The following UBAP2 variants were observed in gnomAD, a reference collection of about 807,000 sequenced individuals.
UBAP2 encodes the protein ubiquitin associated protein 2.
In UBAP2, 75 loss-of-function variants were observed where a neutral mutation model predicts 139.6. The observed-to-expected ratio is 0.54, with a 90% CI of 0.45 to 0.65. The LOEUF (loss-of-function observed/expected upper bound fraction) is 0.65. Among genes scored for constraint, UBAP2 ranks in the 30% least tolerant of loss-of-function variants. The probability of loss-of-function intolerance (pLI) is 0.00; values close to 1 mark genes in which losing one functional copy is unlikely to be tolerated. For synonymous variants in UBAP2, 526 were observed against 526.2 expected (o/e 1.00, Z 0.01); for missense variants, 1,368 against 1,369.6 (o/e 1.00, Z 0.02).
At chr9:33,941,049 T>C (rs1394037080) in intron 16 of UBAP2, among the ~76,000 whole-genome samples, 1 of 152,166 alleles carries the variant, frequency 6.6e-6, no homozygotes, top group Non-Finnish European at 1.5e-5. Flanking sequence ...TGACATGAAA[T>C]GTGTATACTT....
chr9:33,926,864 G>T, intron 21 of UBAP2, 125 bp downstream of exon 21: 1 of 1,033,468 alleles, frequency 9.7e-7, no homozygotes. Context: ...GGCAGAGACG[G>T]GGGTGCTCAG....
At chr9:33,928,056 CTGGCCTGGCGCT>C (rs1823628594) in intron 19 of UBAP2, 64 bp from the exon 20 acceptor site, 1 of 1,515,220 alleles carries the variant, frequency 6.6e-7, no homozygotes, top group Non-Finnish European at 8.9e-7. Context: ...TGGGGAGAGC[CTGGCCTGGCGCT>C]TGGGCCCAAG....
intron 2 of UBAP2, among the ~76,000 whole-genome samples, chr9:34,014,999 A>G (rs1824124346): frequency 6.6e-6 from 1 of 152,202 alleles, no homozygotes; most frequent in South Asian, 2.1e-4. Context: ...ATACTGAAAA[A>G]TGTAACGCAA....
chr9:33,930,842 G>A (rs1330363029), intron 19 of UBAP2, among the ~76,000 whole-genome samples: 3 of 144,122 alleles, frequency 2.1e-5, no homozygotes, highest in Non-Finnish European at 3.0e-5. Context: ...GTTGCAGTGA[G>A]CTGAGATTGC....
chr9:34,046,438 T>A (rs747942637), intron 1 of UBAP2, among the ~76,000 whole-genome samples: 1 of 151,822 alleles, frequency 6.6e-6, no homozygotes, highest in Non-Finnish European at 1.5e-5. Context: ...GGTCAGGAGA[T>A]CAAGACCATC....
intron 1 of UBAP2, among the ~76,000 whole-genome samples, chr9:34,019,713 A>ACG (rs1824736410): frequency 6.6e-6 from 1 of 151,572 alleles, no homozygotes; most frequent in South Asian, 2.1e-4. Context: ...ACACACACAC[A>ACG]CACACACACA....
chr9:33,928,094 G>T, intron 19 of UBAP2, 102 bp from the exon 20 acceptor site: 1 of 1,284,890 alleles, frequency 7.8e-7, no homozygotes, highest in Non-Finnish European at 1.1e-6. Flanking sequence ...AGGCTGAGCA[G>T]GCAGGCAATG....
chr9:34,035,030 A>G (rs1385519516), intron 1 of UBAP2, among the ~76,000 whole-genome samples: 1 of 152,170 alleles, frequency 6.6e-6, no homozygotes, highest in Non-Finnish European at 1.5e-5. Flanking sequence ...ATTTCACAAA[A>G]TGAATACATT....
In UBAP2 at chr9:33,922,401, T is replaced by G; in HGVS notation, c.*103A>C. 4.5e-6 allele frequency: 5 copies of G among 1,111,478 alleles called. No homozygotes were observed. The highest frequency in any genetic ancestry group is 6.7e-6 in the Non-Finnish European group (5 of 746,444). 68.9% of individuals were successfully genotyped at this position (1,111,478 alleles called of 1,614,324 possible). A position where few individuals can be genotyped will look rare whatever the true frequency, so the allele number is the denominator to read the frequency against. ...TCCCCACAGAGGCATGGCTGACACA[T>G]GTCGGGAATTCTAGGAAAGGGCACT... On this transcript the variant is annotated 3_prime_UTR_variant, in exon 29 of 29. Transcript: ENST00000379238.
chr9:33,988,989 G>C lies in UBAP2; in HGVS notation c.426C>G (p.Gly142=), dbSNP rs774295939. ...RGNNNRKGRG[G]NRGREFRGEE... is the part of the protein sequence containing the mutation. ...TGTACTTACATTCTCTGCCACGATT[G>C]CCGCCTCTTCCTTTCCGGTTGTTGT... Residue 142 remains glycine (G), a synonymous_variant, in exon 5 of 29, where the codon GGC becomes GGG. Transcript: ENST00000379238. The C allele has an allele frequency of 6.8e-6, 11 of 1,612,842 alleles. No homozygotes were observed. Among genetic ancestry groups the C allele is most frequent in the Admixed American group, 3.3e-5 (2 of 59,716 alleles).
intron 11 of UBAP2, 60 bp downstream of exon 11, chr9:33,956,018 TG>T: frequency 7.4e-7 from 1 of 1,356,712 alleles, no homozygotes; most frequent in South Asian, 1.3e-5. Flanking sequence ...ATACTTTTCC[TG>T]AGGCAAAAGA....
chr9:34,034,932 T>A (rs543805339), intron 1 of UBAP2, among the ~76,000 whole-genome samples: 20 of 152,096 alleles, frequency 1.3e-4, no homozygotes, highest in African/African-American at 4.8e-4. Context: ...TCCGGATTAC[T>A]CTCAAAAACA....
At position 33,993,552 on chromosome 9, in the gene UBAP2, G is replaced by A. The variant is rs371060169; in HGVS notation, c.288+2671C>T. 1.6e-4 allele frequency among the ~76,000 whole-genome samples: 25 copies of A among 152,242 alleles called. No homozygotes were observed. The East Asian group carries it at 4.2e-3, about 26-fold the overall frequency. On this transcript the variant is annotated intron_variant, in intron 4 of 28. Coordinates refer to ENST00000379238, the MANE Select transcript of UBAP2 (RefSeq NM_001370062.2). ...CCAAGCGTAGTGGCATGCGCCTGTG[G>A]TCCCGGCTACTCGGCAGGCTGGAGG...
chr9:33,976,342 A>G (rs896390254), intron 6 of UBAP2, among the ~76,000 whole-genome samples: 1 of 152,252 alleles, frequency 6.6e-6, no homozygotes, highest in African/African-American at 2.4e-5. Context: ...ATACTACAAC[A>G]TGGATGAATG....
intron 11 of UBAP2, 146 bp downstream of exon 11, chr9:33,955,933 T>C: frequency 1.7e-6 from 1 of 588,742 alleles, no homozygotes; most frequent in Non-Finnish European, 3.0e-6. Context: ...CTCTGTCAGA[T>C]TTACCAAGTA....
chr9:34,049,145 C>G (rs1194009078), upstream of UBAP2, among the ~76,000 whole-genome samples: 1 of 152,190 alleles, frequency 6.6e-6, no homozygotes, highest in African/African-American at 2.4e-5. Context: ...AGAGTATTAC[C>G]CACCGCATAC....
intron 6 of UBAP2, among the ~76,000 whole-genome samples, chr9:33,984,550 T>C (rs1247512608): frequency 2.0e-5 from 3 of 151,774 alleles, no homozygotes; most frequent in East Asian, 1.9e-4. Flanking sequence ...GTGGGGCTCA[T>C]GCCTATAGTC....
intron 2 of UBAP2, among the ~76,000 whole-genome samples, chr9:34,013,685 T>C (rs1317667970): frequency 6.6e-6 from 1 of 151,914 alleles, no homozygotes; most frequent in Non-Finnish European, 1.5e-5. Flanking sequence ...GAAACCAGCC[T>C]GGCCAACACG....
rs1482717861 is a variant in UBAP2 at position 34,010,660 on chromosome 9, A to G, written c.99+6390T>C. On this transcript the variant is annotated intron_variant, in intron 2 of 28. Coordinates refer to ENST00000379238, the MANE Select transcript of UBAP2 (RefSeq NM_001370062.2). ...TCTCAACTTTTCTTCATCTGTGACC[A>G]TTTTCATAATAAAGCATTGTGGGGA... Among the ~76,000 whole-genome samples the G allele has an allele frequency of 2.0e-5, 3 of 152,094 alleles. No homozygotes were observed. In the East Asian group the frequency reaches 5.8e-4, roughly 29 times the overall value.
Sources: gnomAD v4.1 joint callset for allele counts (sites outside exome capture counted in the v4.1 genomes callset) on GRCh38, gnomAD v4.1.1 for gene constraint, MANE v1.5 for transcripts, NCBI Gene and HGNC (gene_info 2026-07-23, HGNC 2026-07-21) for gene names.